The following BABAM2 variants were observed in gnomAD, a reference collection of about 807,000 sequenced individuals.
The protein encoded by BABAM2 is BRISC and BRCA1-A complex member 2.
Under a neutral mutation model 54.7 loss-of-function variants are expected in BABAM2, and 31 were observed. The ratio of observed to expected loss-of-function variants is 0.57; its 90% CI spans 0.43 to 0.77. BABAM2 has a LOEUF of 0.77. Ranked by LOEUF, BABAM2 falls within the 30% of genes least tolerant of loss-of-function variation. The pLI is 0.00. For missense variants in BABAM2, 364 were observed against 455.8 expected (o/e 0.80, Z 1.83); for synonymous variants, 167 against 162.9 (o/e 1.03, Z -0.19).
Position 28,052,772 on chromosome 2 carries a change from A to T in BABAM2, c.570+6973A>T, listed in dbSNP as rs186266672. Among the ~76,000 whole-genome samples, 5 of 152,294 alleles carry T rather than the reference A, an allele frequency of 3.3e-5. No individual in the cohort carries two copies. In the East Asian group the frequency reaches 9.7e-4, roughly 29 times the overall value. The stretch of plus-strand genomic sequence containing the variant: ...ATAGGTAATGGCATGAGTGTTAAAA[A>T]ACAAAGTGTGTGTATGACAGTCACA... On this transcript the variant is annotated intron_variant, in intron 6 of 11. Coordinates refer to ENST00000379624, the MANE Select transcript of BABAM2 (RefSeq NM_199191.3).
Position 28,329,227 on chromosome 2 carries a change from A to AGGGGG in BABAM2, c.1089-9221_1089-9220insGGGGG, listed in dbSNP as rs2148329474. 6.6e-6 allele frequency among the ~76,000 whole-genome samples: 1 copy of AGGGGG among 152,348 alleles called. No homozygotes were observed. Among genetic ancestry groups the AGGGGG allele is most frequent in the Non-Finnish European group, 1.5e-5 (1 of 68,032 alleles). Reference sequence around the variant, plus strand: ...GGGCAGAGGGGTGGCCGAGAGGAACAGGCCTTCATGTCCCCCGACAAAACT... The same window carrying AGGGGG: ...GGGCAGAGGGGTGGCCGAGAGGAACAGGGGGGGCCTTCATGTCCCCCGACAAAACT... On this transcript the variant is annotated intron_variant, in intron 11 of 11. Coordinates refer to ENST00000379624, the MANE Select transcript of BABAM2 (RefSeq NM_199191.3). This position sits in a 1 kb window ranked among gnomAD's most constrained non-coding sequence, Gnocchi z 4.2.
At chr2:28,104,383 T>A (rs1467158686) in intron 6 of BABAM2, among the ~76,000 whole-genome samples, 1 of 152,176 alleles carries the variant, frequency 6.6e-6, no homozygotes, top group African/African-American at 2.4e-5. Flanking sequence ...GCGAAGGATA[T>A]GAACAGACAC....
At chr2:27,890,647 G>A (rs1187275932), upstream of BABAM2, 1 of 261,024 alleles carries the variant, frequency 3.8e-6, no homozygotes, top group Non-Finnish European at 7.3e-6. This position sits in a 1 kb window ranked among gnomAD's most constrained non-coding sequence, Gnocchi z 4.8. Flanking sequence ...ACGCCTTTCC[G>A]AGCGCCCGGC....
chr2:28,208,334 G>A (rs1679095910), intron 7 of BABAM2, among the ~76,000 whole-genome samples: 1 of 152,178 alleles, frequency 6.6e-6, no homozygotes, highest in South Asian at 2.1e-4. Flanking sequence ...AAGAAAGCTA[G>A]ATTATTGAGT....
chr2:28,128,628 T>C (rs935481274), intron 6 of BABAM2, among the ~76,000 whole-genome samples: 4 of 152,248 alleles, frequency 2.6e-5, no homozygotes, highest in African/African-American at 4.8e-5. Flanking sequence ...TTGTGTGTTA[T>C]TTGGTTAATC....
At chr2:28,219,386 A>G (rs1680193148) in intron 7 of BABAM2, among the ~76,000 whole-genome samples, 1 of 151,962 alleles carries the variant, frequency 6.6e-6, no homozygotes, top group Non-Finnish European at 1.5e-5. Context: ...TATTTCTCTG[A>G]CTCACTCCTC....
intron 7 of BABAM2, among the ~76,000 whole-genome samples, chr2:28,196,836 CTTTTTTTTTTT>C (rs759950166): frequency 2.2e-4 from 9 of 40,248 alleles, no homozygotes; most frequent in South Asian, 1.4e-3. Flanking sequence ...GAGACCCTGT[CTTTTTTTTTTT>C]TTTTTTTTTT....
chr2:28,115,912 C>G (rs1442620844), intron 6 of BABAM2, among the ~76,000 whole-genome samples: 1 of 151,730 alleles, frequency 6.6e-6, no homozygotes, highest in African/African-American at 2.4e-5. Context: ...GTCGGGAGTT[C>G]GAGACCAGCC....
At chr2:28,303,878 GTTTTTC>G (rs1242570773) in intron 11 of BABAM2, among the ~76,000 whole-genome samples, 1 of 151,940 alleles carries the variant, frequency 6.6e-6, no homozygotes. Flanking sequence ...ATTTTTAAAT[GTTTTTC>G]TTTTTCTTTT....
chr2:28,147,263 C>A (rs962378347), intron 7 of BABAM2, among the ~76,000 whole-genome samples: 9 of 152,198 alleles, frequency 5.9e-5, no homozygotes, highest in Admixed American at 3.3e-4. Flanking sequence ...AGTCAAGTTG[C>A]TTCCTTCTTC....
At chr2:27,941,440 T>A (rs1573221661) in intron 3 of BABAM2, among the ~76,000 whole-genome samples, 1 of 151,706 alleles carries the variant, frequency 6.6e-6, no homozygotes, top group African/African-American at 2.4e-5. Context: ...CCTGTAATCC[T>A]AGCTTCTCAG....
intron 3 of BABAM2, among the ~76,000 whole-genome samples, chr2:27,977,741 A>G (rs1403319806): frequency 6.6e-6 from 1 of 152,180 alleles, no homozygotes; most frequent in Non-Finnish European, 1.5e-5. Flanking sequence ...ATATTCAGAG[A>G]GGAGAGAGCC....
intron 11 of BABAM2, among the ~76,000 whole-genome samples, chr2:28,302,669 T>A (rs1688202729): frequency 6.6e-6 from 1 of 152,202 alleles, no homozygotes; most frequent in African/African-American, 2.4e-5. Context: ...CAAGCTTTTT[T>A]AAAGTGGTAT....
chr2:28,300,440 T>C (rs1572373390), intron 11 of BABAM2, among the ~76,000 whole-genome samples: 1 of 152,222 alleles, frequency 6.6e-6, no homozygotes, highest in African/African-American at 2.4e-5. Flanking sequence ...GTAACAATGA[T>C]TAAGACTTAC....
chr2:28,240,109 C>CT (rs545871952), intron 8 of BABAM2, among the ~76,000 whole-genome samples: 1,581 of 142,914 alleles, frequency 0.011, 18 homozygotes, highest in African/African-American at 0.034. Context: ...TTTCTTTTTT[C>CT]TTTTTTTTTT....
chr2:28,318,436 TATTG>T (rs1353222508), intron 11 of BABAM2, among the ~76,000 whole-genome samples: 1 of 152,220 alleles, frequency 6.6e-6, no homozygotes, highest in Non-Finnish European at 1.5e-5. Flanking sequence ...AAGCTGCAAA[TATTG>T]ATTATCTGGT....
At chr2:27,949,099 T>C in intron 3 of BABAM2, among the ~76,000 whole-genome samples, 1 of 152,202 alleles carries the variant, frequency 6.6e-6, no homozygotes, top group South Asian at 2.1e-4. Flanking sequence ...TGTCACCATG[T>C]CTGACCAGCA....
chr2:27,982,987 A>G (rs992112831), intron 3 of BABAM2, among the ~76,000 whole-genome samples: 3 of 151,948 alleles, frequency 2.0e-5, no homozygotes, highest in Non-Finnish European at 4.4e-5. Flanking sequence ...ATGTGTGCAA[A>G]TATCTCTGAT....
At chr2:28,092,684 C>T (rs1224349779) in intron 6 of BABAM2, among the ~76,000 whole-genome samples, 1 of 151,646 alleles carries the variant, frequency 6.6e-6, no homozygotes, top group Non-Finnish European at 1.5e-5. Flanking sequence ...TTTAATTCTT[C>T]GATAGTATTT....
Sources: gnomAD v4.1 joint callset for allele counts (sites outside exome capture counted in the v4.1 genomes callset) on GRCh38, gnomAD v4.1.1 for gene constraint, Gnocchi (gnomAD v3.1) non-coding constraint, MANE v1.5 for transcripts, NCBI Gene and HGNC (gene_info 2026-07-23, HGNC 2026-07-21) for gene names.